PDE5A: variants seen among roughly 807,000 people sequenced by gnomAD.
The protein encoded by PDE5A is cGMP-specific 3',5'-cyclic phosphodiesterase.
Under a neutral mutation model 110.2 loss-of-function variants are expected in PDE5A, and 67 were observed. That is an observed-to-expected ratio of 0.61 (90% CI 0.50 to 0.75). PDE5A has a LOEUF of 0.75. Ranked by LOEUF, PDE5A falls within the 30% of genes least tolerant of loss-of-function variation. The probability of loss-of-function intolerance (pLI) is 0.00; values close to 1 mark genes in which losing one functional copy is unlikely to be tolerated. For synonymous variants in PDE5A, 328 were observed against 351.2 expected, an observed-to-expected ratio of 0.93 and a Z score of 0.74; for missense variants, 862 against 1,045.1, an observed-to-expected ratio of 0.82 and a Z score of 2.42.
rs1726285599 is a variant in PDE5A at position 119,525,601 on chromosome 4, A to G, written c.1727T>C (p.Ile576Thr). 3 of 1,613,234 alleles carry G rather than the reference A, an allele frequency of 1.9e-6. No homozygotes were observed. The highest frequency in any genetic ancestry group is 2.5e-6 in the Non-Finnish European group (3 of 1,179,538). Residue 576 changes from isoleucine (I) to threonine (T), a missense_variant, in exon 12 of 21, where the codon ATT becomes ACT. Physicochemically the swap from Ile to Thr is moderately conservative, Grantham distance 89 (BLOSUM62 -1). Transcript: ENST00000354960. This position sits in a 1 kb window ranked among gnomAD's most constrained non-coding sequence, Gnocchi z 4.3. ...AAGGTTGAGGTCAGTAAACATCCGA[A>G]TTGTACACAGTGCTGTTTCCAGATC... is the stretch of plus-strand genomic sequence containing the variant. ...LSDLETALCT[I>T]RMFTDLNLVQ...
chr4:119,495,177 A>G lies in PDE5A; in HGVS notation c.*3424T>C, dbSNP rs1393494754. On this transcript the variant is annotated 3_prime_UTR_variant, in exon 21 of 21. Coordinates refer to ENST00000354960, the MANE Select transcript of PDE5A (RefSeq NM_001083.4). ...GATGAAAATGGAAATGATGCAGTATACCCCATGTTCTCACATTAAATTGGC... is the reference window on the plus strand; with the variant it reads ...GATGAAAATGGAAATGATGCAGTATGCCCCATGTTCTCACATTAAATTGGC... The G allele has an allele frequency of 1.3e-5, 2 of 152,130 alleles. No homozygotes were observed. Among genetic ancestry groups the G allele is most frequent in the Admixed American group, 1.3e-4 (2 of 15,252 alleles). The allele number at this position is 152,130 out of a possible 1,614,324, so 9.4% of individuals were successfully genotyped here.
At chr4:119,605,516 G>C (rs925614735) in intron 2 of PDE5A, among the ~76,000 whole-genome samples, 1 of 151,824 alleles carries the variant, frequency 6.6e-6, no homozygotes, top group Non-Finnish European at 1.5e-5. Flanking sequence ...ATGTGGTGGC[G>C]GGTACCTGTA....
chr4:119,539,170 GA>G, intron 10 of PDE5A, 151 bp from the exon 11 acceptor site: 1 of 652,010 alleles, frequency 1.5e-6, no homozygotes, highest in Non-Finnish European at 2.8e-6. Flanking sequence ...CTTCAACAGT[GA>G]AAAACCCAGA....
At chr4:119,499,702 C>T (rs369602563) in intron 20 of PDE5A, 7 of 152,088 alleles carry the variant, frequency 4.6e-5, no homozygotes, top group East Asian at 1.9e-4. Context: ...CCACCACACC[C>T]GCGCTTATAA....
chr4:119,502,468 A>C, intron 19 of PDE5A, 113 bp downstream of exon 19: 1 of 622,878 alleles, frequency 1.6e-6, no homozygotes, highest in Non-Finnish European at 2.8e-6. Flanking sequence ...GTTTTAAAAA[A>C]TAAAATGAGA....
At chr4:119,553,793 G>A in intron 7 of PDE5A, 47 bp from the exon 8 acceptor site, 1 of 930,560 alleles carries the variant, frequency 1.1e-6, no homozygotes, top group Non-Finnish European at 1.7e-6. Context: ...TTAAAAAAAA[G>A]CATGGGCAAA....
intron 7 of PDE5A, among the ~76,000 whole-genome samples, chr4:119,553,972 A>T (rs1560613133): frequency 6.6e-6 from 1 of 152,194 alleles, no homozygotes; most frequent in South Asian, 2.1e-4. Flanking sequence ...AACAAGTTTT[A>T]TAAGTGTGAA....
rs1429470067 is a variant in PDE5A at position 119,496,544 on chromosome 4, A to G, written c.*2057T>C. ...ACAAAGCCTCTAAACACGATCTACC[A>G]TGTCTTTAAAAAATTTCTCAGTGAC... On this transcript the variant is annotated 3_prime_UTR_variant, in exon 21 of 21. Coordinates refer to ENST00000354960, the MANE Select transcript of PDE5A (RefSeq NM_001083.4). 1 of 152,438 alleles carries G rather than the reference A, an allele frequency of 6.6e-6. No individual in the cohort carries two copies. The highest frequency in any genetic ancestry group is 2.4e-5 in the African/African-American group (1 of 41,468). The allele number at this position is 152,438 out of a possible 1,614,324, so 9.4% of individuals were successfully genotyped here.
intron 9 of PDE5A, among the ~76,000 whole-genome samples, chr4:119,545,592 A>G (rs1161863575): frequency 6.6e-6 from 1 of 152,236 alleles, no homozygotes; most frequent in African/African-American, 2.4e-5. Flanking sequence ...TAAAGTACTC[A>G]GAATGTGGTC....
rs1055024213 is a variant in PDE5A, at chr4:119,532,608, A to G, written c.1632+6352T>C. On this transcript the variant is annotated intron_variant, in intron 11 of 20. Coordinates refer to ENST00000354960, the MANE Select transcript of PDE5A (RefSeq NM_001083.4). ...CAATAGAGAAGAAACTTTATAGAAA[A>G]TAATACATTTATAAAATGTATGGTC... Among the ~76,000 whole-genome samples, 4 of 152,236 alleles carry G rather than the reference A, an allele frequency of 2.6e-5. No homozygotes were observed. In the East Asian group the frequency reaches 7.7e-4, roughly 29 times the overall value.
chr4:119,591,751 G>GT (rs1728972559), intron 3 of PDE5A, among the ~76,000 whole-genome samples: 2 of 152,104 alleles, frequency 1.3e-5, no homozygotes, highest in Non-Finnish European at 2.9e-5. Context: ...CTCTGAAAAC[G>GT]TTAATTCTCA....
At chr4:119,504,436 A>C in intron 18 of PDE5A, 100 bp downstream of exon 18, 1 of 833,340 alleles carries the variant, frequency 1.2e-6, no homozygotes, top group South Asian at 1.6e-5. Context: ...TTTTTTATAT[A>C]GTCATTTATT....
Position 119,505,934 on chromosome 4 carries a change from T to TA in PDE5A, c.2190-3dup. Reference sequence around the variant, plus strand: ...AGTTCAAAAAATTCTCCTCGCCTCCTACAATGTTTAAAAAAAAATTGTTAG... The same window carrying TA: ...AGTTCAAAAAATTCTCCTCGCCTCCTAACAATGTTTAAAAAAAAATTGTTAG... On this transcript the variant is annotated splice_region_variant and splice_polypyrimidine_tract_variant and intron_variant, in intron 16 of 20. Transcript: ENST00000354960. 6.5e-7 allele frequency: 1 copy of TA among 1,536,336 alleles called. No individual in the cohort carries two copies. Among genetic ancestry groups the TA allele is most frequent in the Non-Finnish European group, 8.8e-7 (1 of 1,133,224 alleles).
At chr4:119,620,938 T>C (rs1004303832) in intron 1 of PDE5A, among the ~76,000 whole-genome samples, 4 of 152,162 alleles carry the variant, frequency 2.6e-5, no homozygotes, top group African/African-American at 7.2e-5. Flanking sequence ...ATAGGCCAAA[T>C]TGTAGCAAAG....
intron 2 of PDE5A, among the ~76,000 whole-genome samples, chr4:119,597,305 T>G (rs901106827): frequency 2.6e-4 from 10 of 39,022 alleles, no homozygotes; most frequent in East Asian, 7.8e-4. Flanking sequence ...TCTGTGAGGG[T>G]TTTTTTTTTT....
At chr4:119,600,737 A>G (rs1729316918) in intron 2 of PDE5A, among the ~76,000 whole-genome samples, 1 of 152,214 alleles carries the variant, frequency 6.6e-6, no homozygotes, top group African/African-American at 2.4e-5. Flanking sequence ...GGAGAAGGCA[A>G]AACTCTCTCT....
At chr4:119,571,030 C>T (rs1728123790) in intron 3 of PDE5A, among the ~76,000 whole-genome samples, 1 of 152,128 alleles carries the variant, frequency 6.6e-6, no homozygotes, top group South Asian at 2.1e-4. Context: ...GTGAACAAAA[C>T]AGATGAAAAT....
chr4:119,569,344 T>A (rs9995026), intron 3 of PDE5A, among the ~76,000 whole-genome samples: 41,123 of 151,922 alleles, frequency 0.27, 5,618 homozygotes, highest in East Asian at 0.38. Flanking sequence ...AAGAAATAAA[T>A]TAAATGTTTT....
In PDE5A at chr4:119,627,298, G is replaced by A; in HGVS notation, c.152+1222C>T. 1 of 1,332,530 alleles carries A rather than the reference G, an allele frequency of 7.5e-7. No homozygotes were observed. The highest frequency in any genetic ancestry group is 2.0e-5 in the South Asian group (1 of 50,836). 82.5% of individuals were successfully genotyped at this position (1,332,530 alleles called of 1,614,324 possible). ...GGCGACTCAGAACCAGCTCCCTCACGGCCCCGGCCTCCGCGCCGCCGCCCG... is the reference window on the plus strand; with the variant it reads ...GGCGACTCAGAACCAGCTCCCTCACAGCCCCGGCCTCCGCGCCGCCGCCCG... On this transcript the variant is annotated intron_variant, in intron 1 of 20. Coordinates refer to ENST00000354960, the MANE Select transcript of PDE5A (RefSeq NM_001083.4). This position sits in a 1 kb window ranked among gnomAD's most constrained non-coding sequence, Gnocchi z 4.6.
Sources: gnomAD v4.1 joint callset for allele counts (sites outside exome capture counted in the v4.1 genomes callset) on GRCh38, gnomAD v4.1.1 for gene constraint, Gnocchi (gnomAD v3.1) non-coding constraint, MANE v1.5 for transcripts, NCBI Gene and HGNC (gene_info 2026-07-23, HGNC 2026-07-21) for gene names.